VRK1: variants seen among roughly 807,000 people sequenced by gnomAD.
VRK1 encodes the protein VRK serine/threonine kinase 1.
A neutral mutation model predicts 57.1 loss-of-function variants in VRK1; 33 were observed. The ratio of observed to expected loss-of-function variants is 0.58; its 90% CI spans 0.44 to 0.77. The LOEUF (loss-of-function observed/expected upper bound fraction) is 0.77, where lower values mean the gene tolerates loss of function less well. Ranked by LOEUF, VRK1 falls within the 30% of genes least tolerant of loss-of-function variation. The probability of loss-of-function intolerance (pLI) is 0.00; values close to 1 mark genes in which losing one functional copy is unlikely to be tolerated. For synonymous variants in VRK1, 137 were observed against 147.8 expected (o/e 0.93, Z 0.53); for missense variants, 413 against 477.3 (o/e 0.87, Z 1.25).
intron 1 of VRK1, among the ~76,000 whole-genome samples, chr14:96,827,754 T>A (rs180742063): frequency 6.6e-6 from 1 of 152,314 alleles, no homozygotes; most frequent in East Asian, 1.9e-4. Context: ...TTACATTTTC[T>A]TGTTTTAATT....
chr14:96,821,616 T>C (rs894703898), intron 1 of VRK1, among the ~76,000 whole-genome samples: 3 of 152,232 alleles, frequency 2.0e-5, no homozygotes, highest in African/African-American at 7.2e-5. Flanking sequence ...TAGCTGTTTC[T>C]GCCTTGCCCC....
chr14:96,801,111 C>T (rs756638689), intron 1 of VRK1, among the ~76,000 whole-genome samples: 12 of 152,038 alleles, frequency 7.9e-5, no homozygotes, highest in Non-Finnish European at 1.3e-4. Context: ...TTTTGAGGAC[C>T]GTCTGTCTGG....
chr14:96,877,132 G>A (rs1889072252), intron 12 of VRK1, among the ~76,000 whole-genome samples: 1 of 151,342 alleles, frequency 6.6e-6, no homozygotes, highest in Admixed American at 6.6e-5. Flanking sequence ...AACAGAAAAG[G>A]CTTATTTTTG....
In VRK1 at chr14:96,847,330, CAAAA is replaced by C. The variant is rs772146380; in HGVS notation, c.362_365del (p.Lys121MetfsTer8). 18 of 1,613,280 alleles carry C rather than the reference CAAAA, an allele frequency of 1.1e-5. No homozygotes were observed. The highest frequency in any genetic ancestry group is 1.3e-5 in the Non-Finnish European group (15 of 1,179,480). ...AGTATTGGGGGTCTGGTCTACATGA[CAAAA>C]ATGGAAAAAGGTAAAAATATGTGTG... On this transcript the variant is annotated frameshift_variant, in exon 5 of 13. Transcript: ENST00000216639. LOFTEE classifies it high-confidence loss of function.
At chr14:96,874,074 A>G (rs191269591) in intron 11 of VRK1, among the ~76,000 whole-genome samples, 1 of 152,336 alleles carries the variant, frequency 6.6e-6, no homozygotes, top group Admixed American at 6.5e-5. Flanking sequence ...TCTTGGGTAG[A>G]ATGTATTGGA....
chr14:96,835,268 ATTTTC>A (rs1025689094), intron 2 of VRK1, among the ~76,000 whole-genome samples: 1 of 152,048 alleles, frequency 6.6e-6, no homozygotes, highest in Non-Finnish European at 1.5e-5. Flanking sequence ...TTTTCTTTGC[ATTTTC>A]TTTTCTGTAG....
chr14:96,849,801 A>C (rs1223590972), intron 5 of VRK1, among the ~76,000 whole-genome samples: 4 of 152,234 alleles, frequency 2.6e-5, no homozygotes, highest in Non-Finnish European at 4.4e-5. Flanking sequence ...AAAGTAGCCC[A>C]CACTGTCATA....
In VRK1 at chr14:96,855,331, G is replaced by C. The variant is rs753585913; in HGVS notation, c.684G>C (p.Thr228=). ...KRCHDGTIEF[T]SIDAHNGVAP... ...GTCACGATGGCACTATTGAATTCACGAGCATCGATGCACACAATGGCGTGG... is the reference window on the plus strand; with the variant it reads ...GTCACGATGGCACTATTGAATTCACCAGCATCGATGCACACAATGGCGTGG... Residue 228 remains threonine, a synonymous_variant, in exon 8 of 13, where the codon ACG becomes ACC. Coordinates refer to ENST00000216639, the MANE Select transcript of VRK1 (RefSeq NM_003384.3). The C allele has an allele frequency of 1.9e-6, 3 of 1,613,916 alleles. No homozygotes were observed. The highest frequency in any genetic ancestry group is 2.5e-6 in the Non-Finnish European group (3 of 1,179,956).
chr14:96,800,516 G>T (rs1325944729), intron 1 of VRK1, among the ~76,000 whole-genome samples: 1 of 152,106 alleles, frequency 6.6e-6, no homozygotes, highest in East Asian at 1.9e-4. Context: ...AATAAATACT[G>T]ATGAGAAGAA....
intron 3 of VRK1, among the ~76,000 whole-genome samples, chr14:96,843,642 A>G (rs1379874696): frequency 1.3e-5 from 2 of 152,154 alleles, no homozygotes; most frequent in African/African-American, 4.8e-5. Flanking sequence ...ACGTTTAGTG[A>G]TATTCTAGTT....
intron 7 of VRK1, among the ~76,000 whole-genome samples, chr14:96,854,558 A>G (rs567634172): frequency 6.6e-6 from 1 of 152,314 alleles, no homozygotes; most frequent in South Asian, 2.1e-4. Flanking sequence ...TATGCTAATC[A>G]GACCCACATG....
chr14:96,816,612 G>A (rs747604966), intron 1 of VRK1, among the ~76,000 whole-genome samples: 1 of 152,144 alleles, frequency 6.6e-6, no homozygotes, highest in East Asian at 1.9e-4. Context: ...AGCCTGTCTC[G>A]TTTAATTATT....
Position 96,837,767 on chromosome 14 carries a change from A to G in VRK1, c.166A>G (p.Met56Val), listed in dbSNP as rs562274599. 2 of 1,559,804 alleles carry G rather than the reference A, an allele frequency of 1.3e-6. No individual in the cohort carries two copies. The highest frequency in any genetic ancestry group is 2.3e-5 in the East Asian group (1 of 42,996). Residue 56 changes from methionine (M) to valine (V), a missense_variant, in exon 3 of 13, where the codon ATG becomes GTG. Met to Val is a conservative substitution (Grantham distance 21). Around this residue, in one of 3 missense-constraint regions of VRK1, gnomAD observed 116 missense variants for 113.6 expected, o/e 1.02. Coordinates refer to ENST00000216639, the MANE Select transcript of VRK1 (RefSeq NM_003384.3). ...TATTTTACTTTTTTAAACAGCTGAT[A>G]TGAATTCTTCAGAGTCAGTTGGCAG... ...GGFGCIYLAD[M>V]NSSESVGSDA...
chr14:96,830,727 T>G (rs1201053918), intron 1 of VRK1, among the ~76,000 whole-genome samples: 1 of 152,192 alleles, frequency 6.6e-6, no homozygotes, highest in Non-Finnish European at 1.5e-5. Context: ...TGCAGCCAGT[T>G]TTCCCTTATA....
chr14:96,847,426 GATC>G, intron 5 of VRK1, 82 bp downstream of exon 5: 7 of 1,123,206 alleles, frequency 6.2e-6, no homozygotes, highest in Non-Finnish European at 9.4e-6. Flanking sequence ...ATTATTTACT[GATC>G]ACTTACAATA....
chr14:96,851,649 T>C (rs1887954819), intron 5 of VRK1, among the ~76,000 whole-genome samples: 1 of 152,214 alleles, frequency 6.6e-6, no homozygotes, highest in Admixed American at 6.5e-5. Context: ...ATTGTTATCA[T>C]AGAAGCCTAT....
chr14:96,863,629 T>A (rs1888471767), intron 11 of VRK1, among the ~76,000 whole-genome samples: 1 of 152,202 alleles, frequency 6.6e-6, no homozygotes, highest in Admixed American at 6.5e-5. Context: ...TATTTTAGTT[T>A]TTCATTTTCA....
intron 11 of VRK1, among the ~76,000 whole-genome samples, chr14:96,872,151 T>G (rs1888847451): frequency 6.6e-6 from 1 of 152,208 alleles, no homozygotes; most frequent in Non-Finnish European, 1.5e-5. Context: ...TCTGTCTCTT[T>G]TCAAGTCATT....
At chr14:96,822,932 T>TA (rs1886657904) in intron 1 of VRK1, among the ~76,000 whole-genome samples, 1 of 152,204 alleles carries the variant, frequency 6.6e-6, no homozygotes, top group Admixed American at 6.5e-5. Flanking sequence ...CTGGCATTCT[T>TA]ACTCTTTGGT....
Sources: gnomAD v4.1 joint callset for allele counts (sites outside exome capture counted in the v4.1 genomes callset) on GRCh38, gnomAD v4.1.1 for gene constraint, gnomAD v4.1.1 regional missense constraint, MANE v1.5 for transcripts, NCBI Gene and HGNC (gene_info 2026-07-23, HGNC 2026-07-21) for gene names.